Variants in NEMP2 observed in about 807,000 individuals in gnomAD.
NEMP2 encodes nuclear envelope integral membrane protein 2.
Under a neutral mutation model 54.2 loss-of-function variants are expected in NEMP2, and 53 were observed. That is an observed-to-expected ratio of 0.98 (90% confidence interval 0.78 to 1.23). NEMP2 has a LOEUF of 1.23. Among genes scored for constraint, NEMP2 ranks in the 50% most tolerant of loss-of-function variants. The pLI, the probability that NEMP2 is intolerant of heterozygous loss-of-function variation, is 0.00. For synonymous variants in NEMP2, 197 were observed against 190.3 expected, an observed-to-expected ratio of 1.04 and a Z score of -0.29; for missense variants, 455 against 511.3, an observed-to-expected ratio of 0.89 and a Z score of 1.06.
the NEMP2 span, among the ~76,000 whole-genome samples, chr2:190,624,221 G>A: frequency 1.3e-5 from 2 of 152,116 alleles, no homozygotes; most frequent in Non-Finnish European, 2.9e-5. Context: ...GTAATCATCA[G>A]GGAAATGCAA....
chr2:190,576,574 T>C, the NEMP2 span, among the ~76,000 whole-genome samples: 2 of 149,032 alleles, frequency 1.3e-5, no homozygotes, highest in East Asian at 4.1e-4. Context: ...CTGAAGATGG[T>C]ATTTCTGCAA....
At chr2:190,486,285 T>C in the NEMP2 span, among the ~76,000 whole-genome samples, 1 of 152,330 alleles carries the variant, frequency 6.6e-6, no homozygotes, top group East Asian at 1.9e-4. Context: ...TTCTCTGAAA[T>C]GGTTTTGGGT....
chr2:190,502,227 A>C (rs1690057713), downstream of NEMP2: 1 of 152,116 alleles, frequency 6.6e-6, no homozygotes, highest in Admixed American at 6.5e-5. The surrounding 1 kb of genome is among the most constrained non-coding windows in gnomAD (Gnocchi z 4.4). Context: ...TGACACCTTC[A>C]TGGGTTTGTG....
the NEMP2 span, among the ~76,000 whole-genome samples, chr2:190,587,629 C>T: frequency 6.6e-5 from 10 of 152,096 alleles, no homozygotes; most frequent in Non-Finnish European, 1.0e-4. The surrounding 1 kb of genome is among the most constrained non-coding windows in gnomAD (Gnocchi z 5.4). Flanking sequence ...GTCCACAAGC[C>T]TATTAATAGG....
chr2:190,471,868 G>A, the NEMP2 span, among the ~76,000 whole-genome samples: 1 of 152,166 alleles, frequency 6.6e-6, no homozygotes, highest in East Asian at 1.9e-4. This position sits in a 1 kb window ranked among gnomAD's most constrained non-coding sequence, Gnocchi z 4.7. Flanking sequence ...AACTCATACG[G>A]CCGGGTACCC....
chr2:190,425,408 C>G, the NEMP2 span, among the ~76,000 whole-genome samples: 804 of 152,214 alleles, frequency 5.3e-3, 6 homozygotes, highest in African/African-American at 0.018. The surrounding 1 kb of genome is among the most constrained non-coding windows in gnomAD (Gnocchi z 4.3). Context: ...TTGCCTTGTT[C>G]CCTATCTTAG....
Position 190,514,738 on chromosome 2 carries a change from C to T in NEMP2, c.728-60G>A. The T allele has an allele frequency of 6.9e-7, 1 of 1,454,516 alleles. No homozygotes were observed. Among genetic ancestry groups the T allele is most frequent in the African/African-American group, 1.4e-5 (1 of 70,796 alleles). The allele number at this position is 1,454,516 out of a possible 1,614,324, so 90.1% of individuals were successfully genotyped here. A position where few individuals can be genotyped will look rare whatever the true frequency, so the allele number is the denominator to read the frequency against. ...TGAATTTGAGACATTATGTGAAAAA[C>T]CTGGCAGAGCCTTGACTTAAAGGTA... is the stretch of plus-strand genomic sequence containing the variant. On this transcript the variant is annotated intron_variant, in intron 6 of 8. Coordinates refer to ENST00000409150, the MANE Select transcript of NEMP2 (RefSeq NM_001142645.2). The surrounding 1 kb of genome is among the most constrained non-coding windows in gnomAD (Gnocchi z 5.7).
the NEMP2 span, chr2:190,435,164 C>T: frequency 6.6e-6 from 1 of 152,200 alleles, no homozygotes; most frequent in South Asian, 2.1e-4. Context: ...TGTCCTGAAG[C>T]CATAATGTCA....
At chr2:190,497,327 C>T in the NEMP2 span, 2 of 1,188,434 alleles carry the variant, frequency 1.7e-6, no homozygotes, top group African/African-American at 1.6e-5. The surrounding 1 kb of genome is among the most constrained non-coding windows in gnomAD (Gnocchi z 5.2). Context: ...TTAATATTAT[C>T]AAGCACTCTG....
the NEMP2 span, among the ~76,000 whole-genome samples, chr2:190,567,007 G>A: frequency 6.6e-6 from 1 of 151,876 alleles, no homozygotes; most frequent in Non-Finnish European, 1.5e-5. This position sits in a 1 kb window ranked among gnomAD's most constrained non-coding sequence, Gnocchi z 4.0. Context: ...AAGAGAGGAG[G>A]AAACATGAAA....
At chr2:190,639,509 A>T in the NEMP2 span, among the ~76,000 whole-genome samples, 1 of 152,088 alleles carries the variant, frequency 6.6e-6, no homozygotes, top group African/African-American at 2.4e-5. Flanking sequence ...TGCCCTCTGC[A>T]AACAAGTGCA....
At chr2:190,532,134 A>G (rs947319542) in intron 1 of NEMP2, among the ~76,000 whole-genome samples, 1 of 152,224 alleles carries the variant, frequency 6.6e-6, no homozygotes, top group African/African-American at 2.4e-5. Flanking sequence ...CAAAAAACCA[A>G]CAAGTCTTAA....
chr2:190,507,875 ATTATTT>A lies in NEMP2; in HGVS notation c.*1308_*1313del, dbSNP rs985235099. 2.0e-5 allele frequency: 3 copies of A among 152,216 alleles called. No homozygotes were observed. Among genetic ancestry groups the A allele is most frequent in the Admixed American group, 6.5e-5 (1 of 15,280 alleles). The allele number at this position is 152,216 out of a possible 1,614,324, so 9.4% of individuals were successfully genotyped here. A position where few individuals can be genotyped will look rare whatever the true frequency, so the allele number is the denominator to read the frequency against. On this transcript the variant is annotated 3_prime_UTR_variant, in exon 9 of 9. Transcript: ENST00000409150. The surrounding 1 kb of genome is among the most constrained non-coding windows in gnomAD (Gnocchi z 4.4). The stretch of plus-strand genomic sequence containing the variant: ...CCATAACCTTTGTCCTGATAAAAAG[ATTATTT>A]TTATGATCCCATCACAGGAAAAAAA...
chr2:190,615,219 C>T, the NEMP2 span, among the ~76,000 whole-genome samples: 1 of 152,162 alleles, frequency 6.6e-6, no homozygotes, highest in East Asian at 1.9e-4. This position sits in a 1 kb window ranked among gnomAD's most constrained non-coding sequence, Gnocchi z 4.7. Context: ...TCACAAGCTC[C>T]GGGTTGGCAC....
chr2:190,436,521 C>T, the NEMP2 span: 14 of 1,614,086 alleles, frequency 8.7e-6, no homozygotes, highest in Middle Eastern at 1.6e-4. The surrounding 1 kb of genome is among the most constrained non-coding windows in gnomAD (Gnocchi z 5.3). Flanking sequence ...CAAAGATTCG[C>T]CCAACAACTC....
chr2:190,555,230 G>A, the NEMP2 span, among the ~76,000 whole-genome samples: 2 of 152,148 alleles, frequency 1.3e-5, no homozygotes, highest in Non-Finnish European at 2.9e-5. The surrounding 1 kb of genome is among the most constrained non-coding windows in gnomAD (Gnocchi z 4.8). Flanking sequence ...GTGCAAAAAA[G>A]CTGAAGATTC....
chr2:190,604,650 A>C, the NEMP2 span, among the ~76,000 whole-genome samples: 2 of 152,174 alleles, frequency 1.3e-5, no homozygotes, highest in Non-Finnish European at 2.9e-5. This position sits in a 1 kb window ranked among gnomAD's most constrained non-coding sequence, Gnocchi z 4.5. Context: ...AAAGTCAAGA[A>C]GCTTGGGTTT....
the NEMP2 span, among the ~76,000 whole-genome samples, chr2:190,493,599 C>G: frequency 4.6e-5 from 7 of 152,042 alleles, no homozygotes; most frequent in Admixed American, 6.6e-5. Flanking sequence ...GGAACTTTCT[C>G]CAAGATAGAC....
the NEMP2 span, chr2:190,616,783 T>C: frequency 6.6e-6 from 1 of 152,196 alleles, no homozygotes; most frequent in Non-Finnish European, 1.5e-5. This position sits in a 1 kb window ranked among gnomAD's most constrained non-coding sequence, Gnocchi z 5.1. Flanking sequence ...TAATGTTTTA[T>C]AACATTTTTT....
Sources: gnomAD v4.1 joint callset for allele counts (sites outside exome capture counted in the v4.1 genomes callset) on GRCh38, gnomAD v4.1.1 for gene constraint, Gnocchi (gnomAD v3.1) non-coding constraint, MANE v1.5 for transcripts, NCBI Gene and HGNC (gene_info 2026-07-23, HGNC 2026-07-21) for gene names.